The following FMNL3 variants were observed in gnomAD, a reference collection of about 807,000 sequenced individuals.
FMNL3 encodes the protein formin like 3.
Under a neutral mutation model 119.6 loss-of-function variants are expected in FMNL3, and 57 were observed. The ratio of observed to expected loss-of-function variants is 0.48; its 90% CI spans 0.39 to 0.59. The LOEUF (loss-of-function observed/expected upper bound fraction) is 0.59, where lower values mean the gene tolerates loss of function less well. FMNL3 is among the 20% of genes least tolerant of loss of function. The pLI, the probability that FMNL3 is intolerant of heterozygous loss-of-function variation, is 0.00. For synonymous variants in FMNL3, 491 were observed against 507.3 expected, an observed-to-expected ratio of 0.97 and a Z score of 0.43; for missense variants, 1,053 against 1,323.5, an observed-to-expected ratio of 0.80 and a Z score of 3.17.
chr12:49,686,215 C>CT (rs1194421285), intron 1 of FMNL3, among the ~76,000 whole-genome samples: 2 of 151,762 alleles, frequency 1.3e-5, no homozygotes, highest in Non-Finnish European at 2.9e-5. Flanking sequence ...CCAAGCAATC[C>CT]TTCTGCCTCA....
chr12:49,702,604 CAAA>C (rs1206865724), intron 1 of FMNL3, among the ~76,000 whole-genome samples: 2 of 152,054 alleles, frequency 1.3e-5, no homozygotes, highest in African/African-American at 4.8e-5. Context: ...AAAACATTCC[CAAA>C]TGACAGAGTC....
Position 49,651,868 on chromosome 12 carries a change from T to A in FMNL3, c.1603+65A>T, listed in dbSNP as rs1042498234. The A allele has an allele frequency of 4.7e-6, 7 of 1,474,350 alleles. No individual in the cohort carries two copies. The African/African-American group carries it at 8.5e-5, about 18-fold the overall frequency. 91.3% of individuals were successfully genotyped at this position (1,474,350 alleles called of 1,614,324 possible). A position where few individuals can be genotyped will look rare whatever the true frequency, so the allele number is the denominator to read the frequency against. On this transcript the variant is annotated intron_variant, in intron 14 of 25. Transcript: ENST00000335154. The stretch of plus-strand genomic sequence containing the variant: ...AGCTTCTCCCTGAGGAAGACACTGC[T>A]GACTACAGTTTTGGTCCCCACAAAG...
chr12:49,669,638 C>A (rs1943988345), intron 1 of FMNL3, among the ~76,000 whole-genome samples: 1 of 152,068 alleles, frequency 6.6e-6, no homozygotes, highest in Non-Finnish European at 1.5e-5. Flanking sequence ...TCAAGACCAA[C>A]CTGGCCAACA....
At chr12:49,652,672 T>C (rs1002816377) in intron 13 of FMNL3, among the ~76,000 whole-genome samples, 5 of 152,172 alleles carry the variant, frequency 3.3e-5, no homozygotes, top group African/African-American at 1.2e-4. Context: ...CCCAATACAA[T>C]GCTCAGCAGA....
intron 1 of FMNL3, among the ~76,000 whole-genome samples, chr12:49,676,086 C>A (rs1325828417): frequency 2.0e-5 from 3 of 152,134 alleles, no homozygotes; most frequent in Non-Finnish European, 4.4e-5. Flanking sequence ...AATAATCAGC[C>A]CCTCTCTTGA....
chr12:49,701,257 TTTTA>T (rs1208186082), intron 1 of FMNL3, among the ~76,000 whole-genome samples: 1 of 152,064 alleles, frequency 6.6e-6, no homozygotes, highest in Non-Finnish European at 1.5e-5. Context: ...AGATTATAGG[TTTTA>T]TTATCTTCTT....
intron 1 of FMNL3, among the ~76,000 whole-genome samples, chr12:49,684,268 C>T (rs1470267586): frequency 6.6e-6 from 1 of 152,118 alleles, no homozygotes; most frequent in African/African-American, 2.4e-5. Context: ...AAAATGACAC[C>T]TTAACCATTC....
chr12:49,663,201 C>G (rs182400975), intron 4 of FMNL3, among the ~76,000 whole-genome samples: 208 of 152,356 alleles, frequency 1.4e-3, no homozygotes, highest in Middle Eastern at 6.8e-3. Context: ...CTCCCCACCC[C>G]CTTCTCATTT....
intron 1 of FMNL3, among the ~76,000 whole-genome samples, chr12:49,697,235 C>T (rs1358854790): frequency 6.6e-6 from 1 of 152,108 alleles, no homozygotes; most frequent in Non-Finnish European, 1.5e-5. Context: ...GTAGAGCCCA[C>T]AGTACAGAGG....
intron 1 of FMNL3, among the ~76,000 whole-genome samples, chr12:49,692,034 C>CA (rs773991970): frequency 0.075 from 1,723 of 22,866 alleles, 125 homozygotes; most frequent in Non-Finnish European, 0.088. Flanking sequence ...GACTCCATCT[C>CA]AAAAAAAAAA....
In FMNL3 at chr12:49,637,642, G is replaced by A; in HGVS notation, c.*8173C>T. ...GGCTTCCTGCCCTGCCAGCCTCTCT[G>A]CACCCCCTACTACCGGCTCCTGTCC... On this transcript the variant is annotated 3_prime_UTR_variant, in exon 26 of 26. Transcript: ENST00000335154. 1 of 1,575,590 alleles carries A rather than the reference G, an allele frequency of 6.3e-7. No homozygotes were observed. The highest frequency in any genetic ancestry group is 8.7e-7 in the Non-Finnish European group (1 of 1,148,388).
Position 49,643,308 on chromosome 12 carries a change from CTG to C in FMNL3, c.*2505_*2506del. ...AGGCGGAACCCCTCAGAGTCAGGCT[CTG>C]AGCCCTCTTCCTCACTTGATTCAGT... is the stretch of plus-strand genomic sequence containing the variant. On this transcript the variant is annotated 3_prime_UTR_variant, in exon 26 of 26. Coordinates refer to ENST00000335154, the MANE Select transcript of FMNL3 (RefSeq NM_175736.5). The C allele has an allele frequency of 6.2e-7, 1 of 1,611,952 alleles. No homozygotes were observed. Among genetic ancestry groups the C allele is most frequent in the Non-Finnish European group, 8.5e-7 (1 of 1,179,198 alleles).
At chr12:49,684,221 GGCT>G (rs1944403593) in intron 1 of FMNL3, among the ~76,000 whole-genome samples, 2 of 152,112 alleles carry the variant, frequency 1.3e-5, no homozygotes, top group African/African-American at 4.8e-5. Context: ...AGTCTTTGAG[GGCT>G]GCTATCTTGC....
In FMNL3 at chr12:49,649,522, A is replaced by G. The variant is rs1206773734; in HGVS notation, c.2252T>C (p.Ile751Thr). ...AGACTTGACGGAAGCGGACGCCGCA[A>G]TGATGGCATTGAGTTGCTGTAGGAC... ...QMLTPQLNAI[I>T]AASASVKSSQ... The change falls in exon 19 of 26, where the codon ATT (isoleucine) becomes ACT (threonine). Residue 751 changes from isoleucine to threonine, a missense_variant. Around this residue, in one of 4 missense-constraint regions of FMNL3, gnomAD observed 324 missense variants for 380.9 expected, o/e 0.85. Transcript: ENST00000335154. This position sits in a 1 kb window ranked among gnomAD's most constrained non-coding sequence, Gnocchi z 5.6. 3.7e-6 allele frequency: 6 copies of G among 1,614,080 alleles called. No individual in the cohort carries two copies. The African/African-American group carries it at 8.0e-5, about 22-fold the overall frequency.
At chr12:49,656,361 C>A in intron 9 of FMNL3, 43 bp downstream of exon 9, 1 of 1,525,646 alleles carries the variant, frequency 6.6e-7, no homozygotes, top group South Asian at 1.2e-5. Context: ...CTGCCTTCTC[C>A]CCCGCAAACA....
chr12:49,659,705 C>T (rs1474812314), intron 5 of FMNL3: 3 of 944,312 alleles, frequency 3.2e-6, no homozygotes, highest in Non-Finnish European at 3.8e-6. Context: ...TGAGCCACTG[C>T]ACCCAGCGAC....
Position 49,647,490 on chromosome 12 carries a change from G to T in FMNL3, c.2779-122C>A. ...GCTAACTCCAGGTGGCCACCCTCTG[G>T]AGGGGCACTTCCTGCCCCAAACAAT... On this transcript the variant is annotated intron_variant, in intron 23 of 25. Transcript: ENST00000335154. The surrounding 1 kb of genome is among the most constrained non-coding windows in gnomAD (Gnocchi z 4.9). 1 of 1,133,192 alleles carries T rather than the reference G, an allele frequency of 8.8e-7. No individual in the cohort carries two copies. Among genetic ancestry groups the T allele is most frequent in the Non-Finnish European group, 1.3e-6 (1 of 764,264 alleles). 70.2% of individuals were successfully genotyped at this position (1,133,192 alleles called of 1,614,324 possible). A position where few individuals can be genotyped will look rare whatever the true frequency, so the allele number is the denominator to read the frequency against.
intron 1 of FMNL3, among the ~76,000 whole-genome samples, chr12:49,688,165 C>T (rs1944515571): frequency 6.6e-6 from 1 of 152,214 alleles, no homozygotes; most frequent in African/African-American, 2.4e-5. Flanking sequence ...GAGGCACTGC[C>T]CCTTCTGGCC....
At chr12:49,663,548 A>G (rs1943799847) in intron 4 of FMNL3, among the ~76,000 whole-genome samples, 1 of 152,186 alleles carries the variant, frequency 6.6e-6, no homozygotes, top group South Asian at 2.1e-4. Context: ...CCTTCCACAT[A>G]ACTCTACCCA....
Sources: allele counts gnomAD v4.1 joint callset (sites outside exome capture counted in the v4.1 genomes callset), GRCh38; gene constraint gnomAD v4.1.1; regional missense constraint gnomAD v4.1.1; non-coding constraint Gnocchi (gnomAD v3.1); transcripts MANE v1.5; gene names NCBI Gene and HGNC (gene_info 2026-07-23, HGNC 2026-07-21).